FAM200B: variants seen among roughly 807,000 people sequenced by gnomAD.
FAM200B encodes protein FAM200B.
Under a neutral mutation model 33.1 loss-of-function variants are expected in FAM200B, and 32 were observed. That is an observed-to-expected ratio of 0.97 (90% CI 0.73 to 1.30). The LOEUF (loss-of-function observed/expected upper bound fraction) is 1.30. FAM200B is among the 50% of genes most tolerant of loss of function. The pLI, the probability that FAM200B is intolerant of heterozygous loss-of-function variation, is 0.00. For synonymous variants in FAM200B, 240 were observed against 264.8 expected, an observed-to-expected ratio of 0.91 and a Z score of 0.91; for missense variants, 741 against 754.0, an observed-to-expected ratio of 0.98 and a Z score of 0.20.
chr4:15,678,978 C>T (rs1480429820), upstream of FAM200B, among the ~76,000 whole-genome samples: 1 of 151,912 alleles, frequency 6.6e-6, no homozygotes, highest in Non-Finnish European at 1.5e-5. Flanking sequence ...AAACCCTTCA[C>T]AAACTACATT....
At chr4:15,666,229 C>G in the FAM200B span, among the ~76,000 whole-genome samples, 1 of 151,972 alleles carries the variant, frequency 6.6e-6, no homozygotes, top group Non-Finnish European at 1.5e-5. Context: ...GTAGACTCCA[C>G]CACCACAAAA....
rs1000628361 is a variant in FAM200B at position 15,687,730 on chromosome 4, TGATTTTTTGGAG to T, written c.763_774del (p.Glu255_Leu258del). ...TTTATGTCAGATATGCGTGGCAAGA[TGATTTTTTGGAG>T]GATTTTTTGTGTTTTTTAAATTTAA... On this transcript the variant is annotated inframe_deletion, in exon 2 of 2. Coordinates refer to ENST00000422728, the MANE Select transcript of FAM200B (RefSeq NM_001145191.2). The T allele has an allele frequency of 2.7e-5, 42 of 1,550,610 alleles. 1 individual carries two copies. The highest frequency in any genetic ancestry group is 9.8e-5 in the Admixed American group (5 of 50,882).
chr4:15,666,116 G>T, the FAM200B span, among the ~76,000 whole-genome samples: 1 of 152,048 alleles, frequency 6.6e-6, no homozygotes, highest in South Asian at 2.1e-4. Context: ...ATGAATTTTG[G>T]GACTGGGCAC....
the FAM200B span, among the ~76,000 whole-genome samples, chr4:15,664,399 G>A: frequency 6.6e-6 from 1 of 151,844 alleles, no homozygotes; most frequent in South Asian, 2.1e-4. Flanking sequence ...AAATCATATT[G>A]GCACACTAAT....
the FAM200B span, among the ~76,000 whole-genome samples, chr4:15,671,597 G>A: frequency 1.3e-5 from 2 of 152,000 alleles, no homozygotes; most frequent in Non-Finnish European, 2.9e-5. Context: ...TATGCTTCTT[G>A]TGCTTGGAGT....
the FAM200B span, among the ~76,000 whole-genome samples, chr4:15,658,514 G>A: frequency 6.6e-6 from 1 of 152,146 alleles, no homozygotes; most frequent in Non-Finnish European, 1.5e-5. Context: ...GGTTATCATA[G>A]GAGTGGGACT....
chr4:15,655,464 C>G, the FAM200B span: 1 of 894,620 alleles, frequency 1.1e-6, no homozygotes, highest in African/African-American at 1.8e-5. Context: ...CATGCGATCC[C>G]TGCGGCCCAC....
At chr4:15,648,705 G>A in the FAM200B span, among the ~76,000 whole-genome samples, 1 of 152,150 alleles carries the variant, frequency 6.6e-6, no homozygotes. Flanking sequence ...GGTTGTTGGG[G>A]CAGGGGATGG....
the FAM200B span, chr4:15,655,490 C>G: frequency 1.5e-6 from 1 of 658,276 alleles, no homozygotes; most frequent in Non-Finnish European, 1.9e-6. Flanking sequence ...CGGGCGCGCG[C>G]AGAGGCTCGC....
At chr4:15,659,547 T>G in the FAM200B span, among the ~76,000 whole-genome samples, 185 of 152,316 alleles carry the variant, frequency 1.2e-3, 2 homozygotes, top group African/African-American at 4.0e-3. Flanking sequence ...TGTCCAAATA[T>G]AGAGTAGTCC....
the FAM200B span, among the ~76,000 whole-genome samples, chr4:15,641,150 A>G: frequency 1.7e-4 from 26 of 152,166 alleles, no homozygotes; most frequent in African/African-American, 6.3e-4. Flanking sequence ...ATTGATGTAT[A>G]TATAAATTAT....
the FAM200B span, among the ~76,000 whole-genome samples, chr4:15,660,146 A>T: frequency 6.6e-6 from 1 of 151,836 alleles, no homozygotes; most frequent in Non-Finnish European, 1.5e-5. Context: ...TGGCACAAAC[A>T]TAGCTTACTG....
chr4:15,655,354 G>A, the FAM200B span: 107 of 1,206,792 alleles, frequency 8.9e-5, no homozygotes, highest in Admixed American at 2.8e-3. Context: ...CCTCGCCGCG[G>A]GGCAGAGGCG....
rs1006328303 is a variant in FAM200B, at chr4:15,688,511, C to G, written c.1534C>G (p.Leu512Val). The change falls in exon 2 of 2, where the codon CTC becomes GTC. Residue 512 changes from leucine to valine, a missense_variant. Leu to Val is a conservative substitution (Grantham distance 32, BLOSUM62 1). Coordinates refer to ENST00000422728, the MANE Select transcript of FAM200B (RefSeq NM_001145191.2). ...KEIKLEILLHLTSLSQTFNHF... is the reference protein window; with the variant it reads ...KEIKLEILLHVTSLSQTFNHF... ...AATAAAATTAGAGATATTGTTGCATCTCACTTCTCTGTCTCAAACTTTTAA... is the reference window on the plus strand; with the variant it reads ...AATAAAATTAGAGATATTGTTGCATGTCACTTCTCTGTCTCAAACTTTTAA... The G allele has an allele frequency of 2.1e-5, 33 of 1,544,822 alleles. No homozygotes were observed. The highest frequency in any genetic ancestry group is 3.9e-5 in the Admixed American group (2 of 50,850).
the FAM200B span, chr4:15,644,538 G>A: frequency 1.2e-6 from 2 of 1,613,840 alleles, no homozygotes; most frequent in African/African-American, 2.7e-5. Context: ...GCATCTCGGA[G>A]AGTTTATTGT....
the FAM200B span, among the ~76,000 whole-genome samples, chr4:15,654,859 C>T: frequency 1.3e-5 from 2 of 152,160 alleles, no homozygotes; most frequent in African/African-American, 2.4e-5. Flanking sequence ...GAGGTAGGGC[C>T]GCTCTCCTTA....
At chr4:15,639,768 T>C in the FAM200B span, among the ~76,000 whole-genome samples, 2 of 152,238 alleles carry the variant, frequency 1.3e-5, no homozygotes, top group African/African-American at 4.8e-5. Flanking sequence ...TTAACTCTGA[T>C]GTAATTTGTC....
the FAM200B span, among the ~76,000 whole-genome samples, chr4:15,639,477 C>A: frequency 6.6e-6 from 1 of 152,208 alleles, no homozygotes; most frequent in Non-Finnish European, 1.5e-5. Flanking sequence ...TCCCTCAAAT[C>A]ATTATTTTAG....
chr4:15,683,035 A>G (rs926939000), intron 1 of FAM200B, among the ~76,000 whole-genome samples: 1 of 152,206 alleles, frequency 6.6e-6, no homozygotes, highest in Non-Finnish European at 1.5e-5. Flanking sequence ...CTGTATTTTC[A>G]GAAGATGATA....
Sources: allele counts gnomAD v4.1 joint callset (sites outside exome capture counted in the v4.1 genomes callset), GRCh38; gene constraint gnomAD v4.1.1; transcripts MANE v1.5; gene names NCBI Gene and HGNC (gene_info 2026-07-23, HGNC 2026-07-21).